Variants in OLIG1 observed in about 807,000 individuals in gnomAD.
OLIG1 encodes the protein basic domain, helix-loop-helix protein, class B, 6.
OLIG1 carries 9 observed loss-of-function variants against 13.5 expected under a neutral mutation model. The observed-to-expected ratio is 0.67, with a 90% CI of 0.40 to 1.17. The LOEUF (loss-of-function observed/expected upper bound fraction) is 1.17. OLIG1 is among the 50% of genes most tolerant of loss of function. OLIG1 has a pLI of 0.01. For synonymous variants in OLIG1, 215 were observed against 208.3 expected (o/e 1.03, Z -0.28); for missense variants, 362 against 392.2 (o/e 0.92, Z 0.65).
chr21:33,072,062 A>T lies in OLIG1; in HGVS notation c.*1000A>T, dbSNP rs1449316637. ...CTCATTAACACGCAGGAGTACCGGG[A>T]GCCCTGAACCGCCCGCTGCTCGGCG... On this transcript the variant is annotated 3_prime_UTR_variant, in exon 1 of 1. Transcript: ENST00000382348. 1 of 167,084 alleles carries T rather than the reference A, an allele frequency of 6.0e-6. No homozygotes were observed. Among genetic ancestry groups the T allele is most frequent in the Admixed American group, 6.5e-5 (1 of 15,292 alleles). The allele number at this position is 167,084 out of a possible 1,614,324, so 10.4% of individuals were successfully genotyped here.
Position 33,071,071 on chromosome 21 carries a change from C to T in OLIG1, c.*9C>T. The stretch of plus-strand genomic sequence containing the variant: ...CGCAATTCTCCAAGTGAGGGCGGGC[C>T]TGGGCCTGGGGCGCGACCTCGGCCC... On this transcript the variant is annotated 3_prime_UTR_variant, in exon 1 of 1. Coordinates refer to ENST00000382348, the MANE Select transcript of OLIG1 (RefSeq NM_138983.3). This position sits in a 1 kb window ranked among gnomAD's most constrained non-coding sequence, Gnocchi z 6.0. 9.5e-6 allele frequency: 14 copies of T among 1,479,212 alleles called. No individual in the cohort carries two copies. Among genetic ancestry groups the T allele is most frequent in the Non-Finnish European group, 1.3e-5 (14 of 1,118,188 alleles). 91.6% of individuals were successfully genotyped at this position (1,479,212 alleles called of 1,614,324 possible). A position where few individuals can be genotyped will look rare whatever the true frequency, so the allele number is the denominator to read the frequency against.
rs1258119048 is a variant in OLIG1, at chr21:33,070,573, G to A, written c.327G>A (p.Lys109=). The change falls in exon 1 of 1, where the codon AAG becomes AAA. Residue 109 remains lysine (K), a synonymous_variant. Coordinates refer to ENST00000382348, the MANE Select transcript of OLIG1 (RefSeq NM_138983.3). The surrounding 1 kb of genome is among the most constrained non-coding windows in gnomAD (Gnocchi z 5.9). Reference sequence around the variant, plus strand: ...AGCAGCAGCAGCAGCTGCGGCGCAAGATCAACAGCCGCGAGCGGAAGCGCA... The same window carrying A: ...AGCAGCAGCAGCAGCTGCGGCGCAAAATCAACAGCCGCGAGCGGAAGCGCA... ...KEEQQQQLRR[K]INSRERKRMQ... is the part of the protein sequence containing the mutation. 2 of 1,544,140 alleles carry A rather than the reference G, an allele frequency of 1.3e-6. No homozygotes were observed. The highest frequency in any genetic ancestry group is 1.7e-6 in the Non-Finnish European group (2 of 1,152,512).
At position 33,071,304 on chromosome 21, in the gene OLIG1, C is replaced by T; in HGVS notation, c.*242C>T. The T allele has an allele frequency of 2.6e-6, 1 of 384,270 alleles. No individual in the cohort carries two copies. The highest frequency in any genetic ancestry group is 5.8e-5 in the South Asian group (1 of 17,198). 23.8% of individuals were successfully genotyped at this position (384,270 alleles called of 1,614,324 possible). ...GTTTGGGGTTCTGGGTCGGTTCCAGCGGCTTTAGGCAGAAAGTGCTCGCTC... is the reference window on the plus strand; with the variant it reads ...GTTTGGGGTTCTGGGTCGGTTCCAGTGGCTTTAGGCAGAAAGTGCTCGCTC... On this transcript the variant is annotated 3_prime_UTR_variant, in exon 1 of 1. Coordinates refer to ENST00000382348, the MANE Select transcript of OLIG1 (RefSeq NM_138983.3). The surrounding 1 kb of genome is among the most constrained non-coding windows in gnomAD (Gnocchi z 6.0).
At position 33,071,230 on chromosome 21, in the gene OLIG1, C is replaced by T. The variant is rs1982220124; in HGVS notation, c.*168C>T. The stretch of plus-strand genomic sequence containing the variant: ...GGCACCCCCTTCCCCGCCCCCACCC[C>T]TGGGACGTTAAAGTGACCAGAGCGG... On this transcript the variant is annotated 3_prime_UTR_variant, in exon 1 of 1. Coordinates refer to ENST00000382348, the MANE Select transcript of OLIG1 (RefSeq NM_138983.3). The surrounding 1 kb of genome is among the most constrained non-coding windows in gnomAD (Gnocchi z 6.0). 2 of 620,540 alleles carry T rather than the reference C, an allele frequency of 3.2e-6. No individual in the cohort carries two copies. Among genetic ancestry groups the T allele is most frequent in the Non-Finnish European group, 2.6e-6 (1 of 387,618 alleles). The allele number at this position is 620,540 out of a possible 1,614,324, so 38.4% of individuals were successfully genotyped here. A position where few individuals can be genotyped will look rare whatever the true frequency, so the allele number is the denominator to read the frequency against.
rs1240813156 is a variant in OLIG1, at chr21:33,070,227, C to A, written c.-20C>A. 1.3e-6 allele frequency: 2 copies of A among 1,504,976 alleles called. No homozygotes were observed. Among genetic ancestry groups the A allele is most frequent in the Non-Finnish European group, 8.9e-7 (1 of 1,122,310 alleles). The allele number at this position is 1,504,976 out of a possible 1,614,324, so 93.2% of individuals were successfully genotyped here. The stretch of plus-strand genomic sequence containing the variant: ...GGGCGTTCCTGAAGGGCGTCCTCGG[C>A]CGCCCCCACCGCCTCCCAGATGTAC... On this transcript the variant is annotated 5_prime_UTR_variant, in exon 1 of 1. Transcript: ENST00000382348. This position sits in a 1 kb window ranked among gnomAD's most constrained non-coding sequence, Gnocchi z 5.9.
Position 33,071,188 on chromosome 21 carries a change from A to G in OLIG1, c.*126A>G. 6 of 915,696 alleles carry G rather than the reference A, an allele frequency of 6.6e-6. No individual in the cohort carries two copies. The highest frequency in any genetic ancestry group is 9.2e-6 in the Non-Finnish European group (6 of 652,220). The allele number at this position is 915,696 out of a possible 1,614,324, so 56.7% of individuals were successfully genotyped here. A position where few individuals can be genotyped will look rare whatever the true frequency, so the allele number is the denominator to read the frequency against. ...GAAAGCATTTCGAACCTTCCAGTCC[A>G]GAGGAAGGGACTGTCGGGCACCCCC... On this transcript the variant is annotated 3_prime_UTR_variant, in exon 1 of 1. Coordinates refer to ENST00000382348, the MANE Select transcript of OLIG1 (RefSeq NM_138983.3). This position sits in a 1 kb window ranked among gnomAD's most constrained non-coding sequence, Gnocchi z 6.0.
At position 33,070,952 on chromosome 21, in the gene OLIG1, G is replaced by C. The variant is rs546714696; in HGVS notation, c.706G>C (p.Gly236Arg). 9 of 1,460,800 alleles carry C rather than the reference G, an allele frequency of 6.2e-6. No individual in the cohort carries two copies. Among genetic ancestry groups the C allele is most frequent in the East Asian group, 3.0e-5 (1 of 33,226 alleles). The allele number at this position is 1,460,800 out of a possible 1,614,324, so 90.5% of individuals were successfully genotyped here. ...GCCGTGCGGCCAGTTCGCTCTCCCC[G>C]GCGGCGGCGCAGGCGGCCCCGGCCT... is the stretch of plus-strand genomic sequence containing the variant. ...EPPCGQFALP[G>R]GGAGGPGLCT... The change falls in exon 1 of 1, where the codon GGC (glycine) becomes CGC (arginine). Residue 236 changes from glycine to arginine, a missense_variant. This residue lies in a region of OLIG1 where 94 missense variants were observed against 146.0 expected (regional missense o/e 0.64). Coordinates refer to ENST00000382348, the MANE Select transcript of OLIG1 (RefSeq NM_138983.3). This position sits in a 1 kb window ranked among gnomAD's most constrained non-coding sequence, Gnocchi z 5.9.
Position 33,070,901 on chromosome 21 carries a change from T to C in OLIG1, c.655T>C (p.Tyr219His). The change falls in exon 1 of 1, where the codon TAC (tyrosine) becomes CAC (histidine). Residue 219 changes from tyrosine (Y) to histidine (H), a missense_variant. By Grantham distance (83) the Tyr-to-His change is moderately conservative (BLOSUM62 2). Around this residue, in one of 3 missense-constraint regions of OLIG1, gnomAD observed 94 missense variants for 146.0 expected, o/e 0.64. Transcript: ENST00000382348. The surrounding 1 kb of genome is among the most constrained non-coding windows in gnomAD (Gnocchi z 5.9). ...GPPDALRPAK[Y>H]LSLALDEPPC... ...CCCCGACGCGCTGCGCCCCGCCAAG[T>C]ACCTGTCGCTGGCGCTGGACGAGCC... The C allele has an allele frequency of 7.1e-7, 1 of 1,410,176 alleles. No homozygotes were observed. Among genetic ancestry groups the C allele is most frequent in the Non-Finnish European group, 9.2e-7 (1 of 1,086,602 alleles). 87.4% of individuals were successfully genotyped at this position (1,410,176 alleles called of 1,614,324 possible). A position where few individuals can be genotyped will look rare whatever the true frequency, so the allele number is the denominator to read the frequency against.
Position 33,070,615 on chromosome 21 carries a change from G to A in OLIG1, c.369G>A (p.Leu123=). 1.3e-6 allele frequency: 2 copies of A among 1,575,188 alleles called. No homozygotes were observed. The highest frequency in any genetic ancestry group is 1.8e-5 in the Admixed American group (1 of 56,950). The part of the protein sequence containing the change: ...RERKRMQDLN[L]AMDALREVIL... Reference sequence around the variant, plus strand: ...GGAAGCGCATGCAGGACCTGAACCTGGCCATGGACGCCCTGCGCGAGGTCA... The same window carrying A: ...GGAAGCGCATGCAGGACCTGAACCTAGCCATGGACGCCCTGCGCGAGGTCA... The change falls in exon 1 of 1, where the codon CTG becomes CTA. Residue 123 remains leucine, a synonymous_variant. Transcript: ENST00000382348. This position sits in a 1 kb window ranked among gnomAD's most constrained non-coding sequence, Gnocchi z 5.9.
rs534807296 is a variant in OLIG1, at chr21:33,071,237, G to C, written c.*175G>C. The C allele has an allele frequency of 3.4e-6, 2 of 584,236 alleles. No individual in the cohort carries two copies. The allele number at this position is 584,236 out of a possible 1,614,324, so 36.2% of individuals were successfully genotyped here. A position where few individuals can be genotyped will look rare whatever the true frequency, so the allele number is the denominator to read the frequency against. ...CCTTCCCCGCCCCCACCCCTGGGACGTTAAAGTGACCAGAGCGGATGTTCG... is the reference window on the plus strand; with the variant it reads ...CCTTCCCCGCCCCCACCCCTGGGACCTTAAAGTGACCAGAGCGGATGTTCG... On this transcript the variant is annotated 3_prime_UTR_variant, in exon 1 of 1. Coordinates refer to ENST00000382348, the MANE Select transcript of OLIG1 (RefSeq NM_138983.3). This position sits in a 1 kb window ranked among gnomAD's most constrained non-coding sequence, Gnocchi z 6.0.
rs1188764273 is a variant in OLIG1 at position 33,071,011 on chromosome 21, G to A, written c.765G>A (p.Leu255=). ...CTCAVCKFPH[L]VPASLGLAAV... ...GCGCCGTGTGCAAGTTCCCGCACCT[G>A]GTCCCGGCCAGCCTGGGCCTGGCCG... Residue 255 remains leucine, a synonymous_variant, in exon 1 of 1, where the codon CTG becomes CTA. Transcript: ENST00000382348. This position sits in a 1 kb window ranked among gnomAD's most constrained non-coding sequence, Gnocchi z 6.0. 6.7e-7 allele frequency: 1 copy of A among 1,499,244 alleles called. No homozygotes were observed. Among genetic ancestry groups the A allele is most frequent in the South Asian group, 1.2e-5 (1 of 81,930 alleles). The allele number at this position is 1,499,244 out of a possible 1,614,324, so 92.9% of individuals were successfully genotyped here. A position where few individuals can be genotyped will look rare whatever the true frequency, so the allele number is the denominator to read the frequency against.
rs1982245592 is a variant in OLIG1 at position 33,072,000 on chromosome 21, C to A, written c.*938C>A. ...TACTAAAATAGGTAACCAGGCGTCTCACAGTCGCCGTCCTGTCAAGAGCGC... is the reference window on the plus strand; with the variant it reads ...TACTAAAATAGGTAACCAGGCGTCTAACAGTCGCCGTCCTGTCAAGAGCGC... On this transcript the variant is annotated 3_prime_UTR_variant, in exon 1 of 1. Transcript: ENST00000382348. This position sits in a 1 kb window ranked among gnomAD's most constrained non-coding sequence, Gnocchi z 6.0. The A allele has an allele frequency of 6.0e-6, 1 of 167,136 alleles. No individual in the cohort carries two copies. The highest frequency in any genetic ancestry group is 6.5e-5 in the Admixed American group (1 of 15,296). 10.4% of individuals were successfully genotyped at this position (167,136 alleles called of 1,614,324 possible).
In OLIG1 at chr21:33,070,166, C is replaced by A. The variant is rs1379833529; in HGVS notation, c.-81C>A. 149 of 1,407,360 alleles carry A rather than the reference C, an allele frequency of 1.1e-4. No homozygotes were observed. The highest frequency in any genetic ancestry group is 1.3e-4 in the Non-Finnish European group (142 of 1,079,024). The allele number at this position is 1,407,360 out of a possible 1,614,324, so 87.2% of individuals were successfully genotyped here. A position where few individuals can be genotyped will look rare whatever the true frequency, so the allele number is the denominator to read the frequency against. On this transcript the variant is annotated 5_prime_UTR_variant, in exon 1 of 1. Transcript: ENST00000382348. The surrounding 1 kb of genome is among the most constrained non-coding windows in gnomAD (Gnocchi z 5.9). Reference sequence around the variant, plus strand: ...ACCATCGTTTCCCCGCGCGCAGGTCCGCGGGGAGGGGCGGCCTGCCGACCG... The same window carrying A: ...ACCATCGTTTCCCCGCGCGCAGGTCAGCGGGGAGGGGCGGCCTGCCGACCG...
At position 33,070,965 on chromosome 21, in the gene OLIG1, G is replaced by A; in HGVS notation, c.719G>A (p.Gly240Asp). 1 of 1,461,450 alleles carries A rather than the reference G, an allele frequency of 6.8e-7. No homozygotes were observed. The highest frequency in any genetic ancestry group is 2.5e-5 in the Admixed American group (1 of 40,314). The allele number at this position is 1,461,450 out of a possible 1,614,324, so 90.5% of individuals were successfully genotyped here. Residue 240 changes from glycine (G) to aspartate (D), a missense_variant, in exon 1 of 1, where the codon GGC becomes GAC. Transcript: ENST00000382348. This position sits in a 1 kb window ranked among gnomAD's most constrained non-coding sequence, Gnocchi z 5.9. ...GQFALPGGGA[G>D]GPGLCTCAVC... is the part of the protein sequence containing the mutation. ...TTCGCTCTCCCCGGCGGCGGCGCAGGCGGCCCCGGCCTCTGCACCTGCGCC... is the reference window on the plus strand; with the variant it reads ...TTCGCTCTCCCCGGCGGCGGCGCAGACGGCCCCGGCCTCTGCACCTGCGCC...
chr21:33,071,180 TC>T lies in OLIG1; in HGVS notation c.*120del. The T allele has an allele frequency of 1.0e-6, 1 of 1,001,096 alleles. No homozygotes were observed. The highest frequency in any genetic ancestry group is 1.4e-6 in the Non-Finnish European group (1 of 728,676). The allele number at this position is 1,001,096 out of a possible 1,614,324, so 62.0% of individuals were successfully genotyped here. On this transcript the variant is annotated 3_prime_UTR_variant, in exon 1 of 1. Coordinates refer to ENST00000382348, the MANE Select transcript of OLIG1 (RefSeq NM_138983.3). The surrounding 1 kb of genome is among the most constrained non-coding windows in gnomAD (Gnocchi z 6.0). ...CGAGCAAGGAAAGCATTTCGAACCT[TC>T]CAGTCCAGAGGAAGGGACTGTCGGG...
rs1389484209 is a variant in OLIG1, at chr21:33,070,714, C to T, written c.468C>T (p.Leu156=). Residue 156 remains leucine, a synonymous_variant, in exon 1 of 1, where the codon CTC becomes CTT. Transcript: ENST00000382348. The surrounding 1 kb of genome is among the most constrained non-coding windows in gnomAD (Gnocchi z 5.9). ...TCTCCAAGATAGCCACGCTGCTGCT[C>T]GCCCGCAACTACATCCTACTGCTGG... The part of the protein sequence containing the change: ...RKLSKIATLL[L]ARNYILLLGS... 5 of 1,507,866 alleles carry T rather than the reference C, an allele frequency of 3.3e-6. No individual in the cohort carries two copies. The highest frequency in any genetic ancestry group is 2.7e-5 in the East Asian group (1 of 37,128). The allele number at this position is 1,507,866 out of a possible 1,614,324, so 93.4% of individuals were successfully genotyped here.
Position 33,070,965 on chromosome 21 carries a change from GC to G in OLIG1, c.720del (p.Gly241AlafsTer93). 6.8e-7 allele frequency: 1 copy of G among 1,461,450 alleles called. No homozygotes were observed. 90.5% of individuals were successfully genotyped at this position (1,461,450 alleles called of 1,614,324 possible). ...TTCGCTCTCCCCGGCGGCGGCGCAGGCGGCCCCGGCCTCTGCACCTGCGCCG... is the reference window on the plus strand; with the variant it reads ...TTCGCTCTCCCCGGCGGCGGCGCAGGGGCCCCGGCCTCTGCACCTGCGCCG... ...GQFALPGGGA[G>X]GPGLCTCAVC... On this transcript the variant is annotated frameshift_variant, in exon 1 of 1. Coordinates refer to ENST00000382348, the MANE Select transcript of OLIG1 (RefSeq NM_138983.3). LOFTEE classifies it high-confidence loss of function. This position sits in a 1 kb window ranked among gnomAD's most constrained non-coding sequence, Gnocchi z 5.9.
At position 33,070,198 on chromosome 21, in the gene OLIG1, C is replaced by A. The variant is rs1982171607; in HGVS notation, c.-49C>A. 1 of 1,476,088 alleles carries A rather than the reference C, an allele frequency of 6.8e-7. No individual in the cohort carries two copies. The highest frequency in any genetic ancestry group is 1.5e-5 in the African/African-American group (1 of 68,708). The allele number at this position is 1,476,088 out of a possible 1,614,324, so 91.4% of individuals were successfully genotyped here. A position where few individuals can be genotyped will look rare whatever the true frequency, so the allele number is the denominator to read the frequency against. On this transcript the variant is annotated 5_prime_UTR_variant, in exon 1 of 1. Transcript: ENST00000382348. The surrounding 1 kb of genome is among the most constrained non-coding windows in gnomAD (Gnocchi z 5.9). ...AGGGGCGGCCTGCCGACCGGCCCAC[C>A]CCAGGGCGTTCCTGAAGGGCGTCCT...
Position 33,070,910 on chromosome 21 carries a change from C to G in OLIG1, c.664C>G (p.Leu222Val), listed in dbSNP as rs1245864600. Residue 222 changes from leucine to valine, a missense_variant, in exon 1 of 1, where the codon CTG becomes GTG. Transcript: ENST00000382348. This position sits in a 1 kb window ranked among gnomAD's most constrained non-coding sequence, Gnocchi z 5.9. ...GCTGCGCCCCGCCAAGTACCTGTCG[C>G]TGGCGCTGGACGAGCCGCCGTGCGG... ...DALRPAKYLS[L>V]ALDEPPCGQF... The G allele has an allele frequency of 7.0e-7, 1 of 1,423,516 alleles. No homozygotes were observed. Among genetic ancestry groups the G allele is most frequent in the Non-Finnish European group, 9.1e-7 (1 of 1,093,508 alleles). 88.2% of individuals were successfully genotyped at this position (1,423,516 alleles called of 1,614,324 possible). A position where few individuals can be genotyped will look rare whatever the true frequency, so the allele number is the denominator to read the frequency against.
Sources: allele counts gnomAD v4.1 joint callset, GRCh38; gene constraint gnomAD v4.1.1; regional missense constraint gnomAD v4.1.1; non-coding constraint Gnocchi (gnomAD v3.1); transcripts MANE v1.5; gene names NCBI Gene and HGNC (gene_info 2026-07-23, HGNC 2026-07-21).